SLC24A2: variants seen among roughly 807,000 people sequenced by gnomAD.
SLC24A2 encodes the protein sodium/potassium/calcium exchanger 2.
Under a neutral mutation model 62.0 loss-of-function variants are expected in SLC24A2, and 36 were observed. The ratio of observed to expected loss-of-function variants is 0.58; its 90% CI spans 0.44 to 0.77. The LOEUF (loss-of-function observed/expected upper bound fraction) is 0.77. Among genes scored for constraint, SLC24A2 ranks in the 30% least tolerant of loss-of-function variants. The probability of loss-of-function intolerance (pLI) is 0.00; values close to 1 mark genes in which losing one functional copy is unlikely to be tolerated. For missense variants in SLC24A2, 846 were observed against 817.9 expected (o/e 1.03, Z -0.42); for synonymous variants, 358 against 294.0 (o/e 1.22, Z -2.23).
chr9:20,160,792 T>G, the SLC24A2 span, among the ~76,000 whole-genome samples: 1 of 150,920 alleles, frequency 6.6e-6, no homozygotes, highest in Admixed American at 6.6e-5. Flanking sequence ...CTTAAACATC[T>G]TGAATAATAC....
chr9:19,544,693 G>T lies in SLC24A2; in HGVS notation c.1479+5444C>A, dbSNP rs563378547. ...TTATTTCTCCTTCACTTACGAAACT[G>T]AGTTTGCCTGGATATGAAATTCTGG... On this transcript the variant is annotated intron_variant, in intron 8 of 10. Transcript: ENST00000341998. Among the ~76,000 whole-genome samples the T allele has an allele frequency of 1.1e-4, 16 of 152,232 alleles. No individual in the cohort carries two copies. In the East Asian group the frequency reaches 2.5e-3, roughly 24 times the overall value.
At chr9:20,280,141 G>A in the SLC24A2 span, among the ~76,000 whole-genome samples, 1 of 152,188 alleles carries the variant, frequency 6.6e-6, no homozygotes, top group African/African-American at 2.4e-5. Flanking sequence ...AGTTTATTAG[G>A]GGAGTGGGCT....
chr9:19,748,672 T>C (rs1317038761), intron 2 of SLC24A2, among the ~76,000 whole-genome samples: 1 of 122,628 alleles, frequency 8.2e-6, no homozygotes, highest in Non-Finnish European at 1.7e-5. Context: ...GTCCCTTTTT[T>C]GATTTTTTTG....
At chr9:19,876,503 G>A in the SLC24A2 span, among the ~76,000 whole-genome samples, 1 of 151,674 alleles carries the variant, frequency 6.6e-6, no homozygotes, top group Non-Finnish European at 1.5e-5. Flanking sequence ...CCTTCTTCTG[G>A]TTAAGTCAGA....
chr9:20,085,827 T>C, the SLC24A2 span, among the ~76,000 whole-genome samples: 5 of 152,246 alleles, frequency 3.3e-5, no homozygotes, highest in African/African-American at 1.2e-4. Flanking sequence ...TCATTAGTAT[T>C]AAAAACCTGA....
At chr9:19,533,796 A>T (rs1833820251) in intron 8 of SLC24A2, among the ~76,000 whole-genome samples, 1 of 152,246 alleles carries the variant, frequency 6.6e-6, no homozygotes, top group Admixed American at 6.5e-5. Flanking sequence ...TATGTTACAA[A>T]GCAAAAGATA....
the SLC24A2 span, among the ~76,000 whole-genome samples, chr9:20,210,356 TAATAA>T: frequency 6.6e-6 from 1 of 152,154 alleles, no homozygotes; most frequent in African/African-American, 2.4e-5. Flanking sequence ...GGCTCTTAAA[TAATAA>T]AATAAAATGT....
chr9:19,768,247 T>C (rs939947378), intron 2 of SLC24A2, among the ~76,000 whole-genome samples: 5 of 152,176 alleles, frequency 3.3e-5, no homozygotes, highest in African/African-American at 1.2e-4. Flanking sequence ...TCCATCCCCA[T>C]TTGTTCATCC....
chr9:19,776,137 G>C (rs1194245906), intron 2 of SLC24A2, among the ~76,000 whole-genome samples: 1 of 152,130 alleles, frequency 6.6e-6, no homozygotes, highest in Non-Finnish European at 1.5e-5. Context: ...TATTTACATG[G>C]GGCATGGTCA....
the SLC24A2 span, among the ~76,000 whole-genome samples, chr9:19,918,067 A>G: frequency 6.6e-6 from 1 of 151,776 alleles, no homozygotes; most frequent in Non-Finnish European, 1.5e-5. Context: ...ACAAAATTTG[A>G]GTTGAACTTT....
chr9:19,808,313 TA>T, the SLC24A2 span, among the ~76,000 whole-genome samples: 2 of 152,236 alleles, frequency 1.3e-5, no homozygotes, highest in East Asian at 1.9e-4. The surrounding 1 kb of genome is among the most constrained non-coding windows in gnomAD (Gnocchi z 4.1). Flanking sequence ...ATTCTGCTTT[TA>T]AAAGGCATAT....
rs992361202 is a variant in SLC24A2, at chr9:19,718,268, C to T, written c.930+67669G>A. Among the ~76,000 whole-genome samples, 8 of 144,674 alleles carry T rather than the reference C, an allele frequency of 5.5e-5. No individual in the cohort carries two copies. In the East Asian group the frequency reaches 1.4e-3, roughly 26 times the overall value. 94.9% of individuals were successfully genotyped at this position (144,674 alleles called of 152,430 possible). A position where few individuals can be genotyped will look rare whatever the true frequency, so the allele number is the denominator to read the frequency against. On this transcript the variant is annotated intron_variant, in intron 2 of 10. Transcript: ENST00000341998. ...GGGATTACAGGCTTAAGCTACCATG[C>T]CTGGCTGATTTAACACTTTTTTTTT...
At chr9:20,173,398 T>C in the SLC24A2 span, among the ~76,000 whole-genome samples, 1 of 152,034 alleles carries the variant, frequency 6.6e-6, no homozygotes, top group African/African-American at 2.4e-5. Flanking sequence ...ACTGTCACTG[T>C]TTGTTGATGA....
At chr9:19,710,835 G>C (rs1820694198) in intron 2 of SLC24A2, among the ~76,000 whole-genome samples, 1 of 152,154 alleles carries the variant, frequency 6.6e-6, no homozygotes, top group Non-Finnish European at 1.5e-5. Context: ...AGCTAGGAGG[G>C]TGCTGCAGGA....
chr9:19,577,948 G>T (rs1455695426), intron 5 of SLC24A2, among the ~76,000 whole-genome samples: 1 of 151,518 alleles, frequency 6.6e-6, no homozygotes, highest in Non-Finnish European at 1.5e-5. Flanking sequence ...TGATCTGAAT[G>T]AGATTGGAGA....
intron 2 of SLC24A2, among the ~76,000 whole-genome samples, chr9:19,712,669 C>A (rs966235659): frequency 2.6e-5 from 4 of 152,140 alleles, no homozygotes; most frequent in African/African-American, 9.7e-5. Flanking sequence ...TCTAGTTCTT[C>A]CTAGAATATA....
At chr9:20,079,157 G>T in the SLC24A2 span, among the ~76,000 whole-genome samples, 2 of 149,730 alleles carry the variant, frequency 1.3e-5, no homozygotes, top group Non-Finnish European at 3.0e-5. Context: ...AGCAGCAGAG[G>T]TTGGAGTTAT....
chr9:19,564,347 C>T lies in SLC24A2; in HGVS notation c.1347+9004G>A, dbSNP rs529960383. Among the ~76,000 whole-genome samples the T allele has an allele frequency of 3.9e-5, 6 of 152,188 alleles. No homozygotes were observed. The South Asian group carries it at 1.0e-3, about 26-fold the overall frequency. On this transcript the variant is annotated intron_variant, in intron 7 of 10. Coordinates refer to ENST00000341998, the MANE Select transcript of SLC24A2 (RefSeq NM_020344.4). ...TCAGCACCATGAGGCTTTATAAAAGCAGATCTTAAAAACTCCACTGAGTTT... is the reference window on the plus strand; with the variant it reads ...TCAGCACCATGAGGCTTTATAAAAGTAGATCTTAAAAACTCCACTGAGTTT...
At chr9:19,821,087 G>T in the SLC24A2 span, among the ~76,000 whole-genome samples, 4 of 152,012 alleles carry the variant, frequency 2.6e-5, no homozygotes, top group Admixed American at 1.3e-4. Flanking sequence ...CTGAAGGATT[G>T]TTATGTAGGA....
Sources: allele counts gnomAD v4.1 joint callset (sites outside exome capture counted in the v4.1 genomes callset), GRCh38; gene constraint gnomAD v4.1.1; non-coding constraint Gnocchi (gnomAD v3.1); transcripts MANE v1.5; gene names NCBI Gene and HGNC (gene_info 2026-07-23, HGNC 2026-07-21).